CDH23: variants seen among roughly 807,000 people sequenced by gnomAD.
CDH23 encodes the protein cadherin related 23.
A neutral mutation model predicts 317.1 loss-of-function variants in CDH23; 189 were observed. That is an observed-to-expected ratio of 0.60 (90% CI 0.53 to 0.67). CDH23 has a LOEUF of 0.67. CDH23 is among the 30% of genes least tolerant of loss of function. CDH23 has a pLI of 0.00. For missense variants in CDH23, 4,401 were observed against 4,592.4 expected (o/e 0.96, Z 1.20); for synonymous variants, 1,839 against 1,876.8 (o/e 0.98, Z 0.52).
At chr10:71,505,129 G>C (rs1853563658) in intron 3 of CDH23, among the ~76,000 whole-genome samples, 1 of 152,176 alleles carries the variant, frequency 6.6e-6, no homozygotes, top group Non-Finnish European at 1.5e-5. Flanking sequence ...TACTGGGGAG[G>C]AGGTTCCAGG....
chr10:71,612,650 G>C (rs1860971615), intron 9 of CDH23, among the ~76,000 whole-genome samples: 1 of 152,152 alleles, frequency 6.6e-6, no homozygotes, highest in South Asian at 2.1e-4. Context: ...GGGGGGGCTG[G>C]GGAGGGGACC....
intron 14 of CDH23, among the ~76,000 whole-genome samples, chr10:71,664,170 G>A (rs1665697): frequency 0.66 from 100,971 of 151,892 alleles, 34,987 homozygotes; most frequent in East Asian, 0.9. Context: ...GGTGGTGCCA[G>A]GCACTTGGCA....
Position 71,751,757 on chromosome 10 carries a change from T to C in CDH23, c.4845+9836T>C. 6.2e-7 allele frequency: 1 copy of C among 1,603,442 alleles called. No homozygotes were observed. The highest frequency in any genetic ancestry group is 8.5e-7 in the Non-Finnish European group (1 of 1,174,576). Reference sequence around the variant, plus strand: ...CAGATGCCGCCCAGACTCAGAAGGCTGCCGCTGGGCCACATAGGACAGGGG... The same window carrying C: ...CAGATGCCGCCCAGACTCAGAAGGCCGCCGCTGGGCCACATAGGACAGGGG... On this transcript the variant is annotated intron_variant, in intron 38 of 69. Coordinates refer to ENST00000224721, the MANE Select transcript of CDH23 (RefSeq NM_022124.6). The surrounding 1 kb of genome is among the most constrained non-coding windows in gnomAD (Gnocchi z 4.9).
chr10:71,429,460 G>T (rs759433331), intron 1 of CDH23, among the ~76,000 whole-genome samples: 1 of 152,204 alleles, frequency 6.6e-6, no homozygotes, highest in Non-Finnish European at 1.5e-5. Flanking sequence ...AGAGGTGGGA[G>T]ACCCCGCATG....
At chr10:71,679,193 G>A (rs1296298770) in intron 16 of CDH23, among the ~76,000 whole-genome samples, 194 bp from the exon 17 acceptor site, 1 of 152,182 alleles carries the variant, frequency 6.6e-6, no homozygotes, top group Admixed American at 6.5e-5. Context: ...TCTGCTGGGA[G>A]CCAGAGTGCG....
chr10:71,814,372 G>A (rs573361086), intron 69 of CDH23, among the ~76,000 whole-genome samples: 46 of 152,328 alleles, frequency 3.0e-4, no homozygotes, highest in African/African-American at 9.9e-4. Context: ...CTTTGATTAC[G>A]TTGCTGCATT....
intron 38 of CDH23, among the ~76,000 whole-genome samples, chr10:71,763,826 A>G (rs1187849920): frequency 6.6e-6 from 1 of 152,226 alleles, no homozygotes; most frequent in Non-Finnish European, 1.5e-5. Flanking sequence ...AGTGAGAAGC[A>G]CAGTGGGATG....
chr10:71,665,648 G>A (rs1863856695), intron 14 of CDH23, among the ~76,000 whole-genome samples: 1 of 152,118 alleles, frequency 6.6e-6, no homozygotes, highest in Middle Eastern at 3.2e-3. Context: ...CTTGAGGATG[G>A]ACGCTGGCAC....
chr10:71,732,052 A>G lies in CDH23; in HGVS notation c.3781A>G (p.Ser1261Gly), dbSNP rs2132824607. 4 of 1,614,026 alleles carry G rather than the reference A, an allele frequency of 2.5e-6. No homozygotes were observed. Among genetic ancestry groups the G allele is most frequent in the Non-Finnish European group, 3.4e-6 (4 of 1,179,894 alleles). The change falls in exon 32 of 70, where the codon AGC becomes GGC. Residue 1261 changes from serine to glycine, a missense_variant. Physicochemically the swap from Ser to Gly is moderately conservative, Grantham distance 56. Coordinates refer to ENST00000224721, the MANE Select transcript of CDH23 (RefSeq NM_022124.6). The part of the protein sequence containing the change: ...GAEGKFEIDE[S>G]TGLIITVNYL... The stretch of plus-strand genomic sequence containing the variant: ...AGAGGGGAAGTTTGAGATTGACGAG[A>G]GCACAGGGCTTATCATCACCGTGAA...
intron 49 of CDH23, among the ~76,000 whole-genome samples, chr10:71,798,020 C>T (rs1211267649): frequency 2.0e-5 from 3 of 152,124 alleles, no homozygotes; most frequent in Non-Finnish European, 4.4e-5. Flanking sequence ...GGGCCCAGGC[C>T]GGTTACATAG....
intron 11 of CDH23, chr10:71,623,071 G>A: frequency 2.3e-6 from 1 of 438,978 alleles, no homozygotes; most frequent in African/African-American, 2.1e-5. Context: ...GGGGGACTGA[G>A]CTGAAGATGT....
At chr10:71,407,107 G>A (rs1180273629) in intron 1 of CDH23, among the ~76,000 whole-genome samples, 4 of 152,240 alleles carry the variant, frequency 2.6e-5, no homozygotes, top group African/African-American at 9.6e-5. Flanking sequence ...CTTGCAGGCG[G>A]TGAGGCAGAT....
At chr10:71,436,097 C>T (rs1320637332) in intron 1 of CDH23, among the ~76,000 whole-genome samples, 3 of 152,368 alleles carry the variant, frequency 2.0e-5, no homozygotes, top group Non-Finnish European at 2.9e-5. Context: ...GACCTAGTGT[C>T]GGTGCCACCT....
intron 9 of CDH23, among the ~76,000 whole-genome samples, chr10:71,600,667 C>G (rs1860161045): frequency 6.6e-6 from 1 of 152,008 alleles, no homozygotes; most frequent in Admixed American, 6.5e-5. Flanking sequence ...CGGACACGCA[C>G]CACCACGCCC....
intron 3 of CDH23, among the ~76,000 whole-genome samples, chr10:71,448,777 G>A (rs1850294196): frequency 6.6e-6 from 1 of 152,194 alleles, no homozygotes; most frequent in South Asian, 2.1e-4. Flanking sequence ...GACCAGCCTG[G>A]AGCCCTCTGC....
chr10:71,473,727 T>C (rs1299086643), intron 3 of CDH23, among the ~76,000 whole-genome samples: 2 of 152,214 alleles, frequency 1.3e-5, no homozygotes, highest in Admixed American at 1.3e-4. Context: ...AACAATATTA[T>C]GGATGATGAT....
At chr10:71,694,550 C>A (rs759766654) in intron 21 of CDH23, among the ~76,000 whole-genome samples, 2 of 152,110 alleles carry the variant, frequency 1.3e-5, no homozygotes. Context: ...GGCATGAGCC[C>A]CATAGGCCCC....
At chr10:71,521,260 C>T (rs938697851) in intron 6 of CDH23, among the ~76,000 whole-genome samples, 1 of 152,138 alleles carries the variant, frequency 6.6e-6, no homozygotes, top group East Asian at 1.9e-4. Flanking sequence ...GCCCAATGCC[C>T]ACTCACGTCC....
In CDH23 at chr10:71,784,951, C is replaced by T. The variant is rs538032577; in HGVS notation, c.5563C>T (p.Pro1855Ser). 8 of 1,613,896 alleles carry T rather than the reference C, an allele frequency of 5.0e-6. No homozygotes were observed. Among genetic ancestry groups the T allele is most frequent in the South Asian group, 1.1e-5 (1 of 91,092 alleles). Residue 1855 changes from proline (P) to serine (S), a missense_variant, in exon 43 of 70, where the codon CCC (proline) becomes TCC (serine). By Grantham distance (74) the Pro-to-Ser change is moderately conservative. Transcript: ENST00000224721. ...CAACGACCCTGTGCTGCTGAACCTG[C>T]CCATGAACATCACCATCAGCGAGAA... ...NDNDPVLLNL[P>S]MNITISENSP...
Sources: gnomAD v4.1 joint callset for allele counts (sites outside exome capture counted in the v4.1 genomes callset) on GRCh38, gnomAD v4.1.1 for gene constraint, Gnocchi (gnomAD v3.1) non-coding constraint, MANE v1.5 for transcripts, NCBI Gene and HGNC (gene_info 2026-07-23, HGNC 2026-07-21) for gene names.